LRP1B: variants seen among roughly 807,000 people sequenced by gnomAD.
LRP1B encodes the protein LDL receptor related protein 1B.
A neutral mutation model predicts 556.6 loss-of-function variants in LRP1B; 217 were observed. The ratio of observed to expected loss-of-function variants is 0.39; its 90% CI spans 0.35 to 0.44. The LOEUF (loss-of-function observed/expected upper bound fraction) is 0.44. LRP1B is among the 20% of genes least tolerant of loss of function. The pLI is 1.00. For missense variants in LRP1B, 5,053 were observed against 5,620.8 expected, an observed-to-expected ratio of 0.90 and a Z score of 3.23; for synonymous variants, 2,047 against 1,865.8, an observed-to-expected ratio of 1.10 and a Z score of -2.50.
intron 32 of LRP1B, among the ~76,000 whole-genome samples, chr2:140,786,108 G>A (rs1164214173): frequency 6.6e-6 from 1 of 152,114 alleles, no homozygotes; most frequent in African/African-American, 2.4e-5. Context: ...ACTCTCCAAT[G>A]GCTTCCCCCT....
chr2:142,106,459 AG>A (rs756725449), intron 1 of LRP1B, among the ~76,000 whole-genome samples: 1 of 152,210 alleles, frequency 6.6e-6, no homozygotes, highest in Non-Finnish European at 1.5e-5. Context: ...GAAGAAATTA[AG>A]TGACTTGTTC....
rs147794507 is a variant in LRP1B at position 141,892,039 on chromosome 2, C to T, written c.83-81638G>A. Among the ~76,000 whole-genome samples, 12 of 151,872 alleles carry T rather than the reference C, an allele frequency of 7.9e-5. No individual in the cohort carries two copies. The South Asian group carries it at 8.3e-4, about 11-fold the overall frequency. ...ACATTCATATAAAAATCATCAGTCT[C>T]GGAAAGGTATGTGTTAAGCATAACT... On this transcript the variant is annotated intron_variant, in intron 1 of 90. Transcript: ENST00000389484.
chr2:141,519,494 G>C (rs1395597350), intron 2 of LRP1B, among the ~76,000 whole-genome samples: 1 of 150,036 alleles, frequency 6.7e-6, no homozygotes, highest in Non-Finnish European at 1.5e-5. Context: ...ATTGATTTCT[G>C]AATTCTCAGT....
At chr2:142,032,342 C>T (rs1574615145) in intron 1 of LRP1B, among the ~76,000 whole-genome samples, 1 of 151,790 alleles carries the variant, frequency 6.6e-6, no homozygotes, top group Admixed American at 6.6e-5. Flanking sequence ...TTTCTATTCC[C>T]TGCCTGTTAT....
chr2:140,565,015 G>C (rs913698831), intron 43 of LRP1B, among the ~76,000 whole-genome samples: 1 of 151,758 alleles, frequency 6.6e-6, no homozygotes, highest in Non-Finnish European at 1.5e-5. Context: ...ATTACTTTAG[G>C]ATTTTTTTAT....
intron 52 of LRP1B, among the ~76,000 whole-genome samples, chr2:140,509,401 G>A (rs1316148625): frequency 1.3e-5 from 2 of 152,032 alleles, no homozygotes; most frequent in Non-Finnish European, 2.9e-5. Flanking sequence ...TCTGACCTCC[G>A]AAGGTGCTCC....
In LRP1B at chr2:140,626,056, G is replaced by A. The variant is rs184757862; in HGVS notation, c.6800-24417C>T. Among the ~76,000 whole-genome samples the A allele has an allele frequency of 2.6e-5, 4 of 152,242 alleles. No individual in the cohort carries two copies. In the East Asian group the frequency reaches 7.7e-4, roughly 29 times the overall value. On this transcript the variant is annotated intron_variant, in intron 41 of 90. Coordinates refer to ENST00000389484, the MANE Select transcript of LRP1B (RefSeq NM_018557.3). ...GCTATTCACTGCTAAGAAGAAATGA[G>A]CTACCAAGACATGAAAAGACATAGA...
chr2:141,356,713 G>C (rs1688639962), intron 3 of LRP1B, among the ~76,000 whole-genome samples: 1 of 152,074 alleles, frequency 6.6e-6, no homozygotes, highest in Non-Finnish European at 1.5e-5. Context: ...TTGAGAAGAA[G>C]ACAAATATGT....
intron 79 of LRP1B, among the ~76,000 whole-genome samples, chr2:140,327,476 G>A: frequency 6.6e-6 from 1 of 152,036 alleles, no homozygotes. Context: ...CATGTAAGAA[G>A]ATATGTTTTT....
chr2:141,523,809 T>A (rs1389739867), intron 2 of LRP1B, among the ~76,000 whole-genome samples: 1 of 152,134 alleles, frequency 6.6e-6, no homozygotes, highest in Non-Finnish European at 1.5e-5. Flanking sequence ...CCTGCTACCA[T>A]CATAGCCGAG....
chr2:141,545,632 C>G (rs547640866), intron 2 of LRP1B, among the ~76,000 whole-genome samples: 3 of 152,178 alleles, frequency 2.0e-5, no homozygotes, highest in Admixed American at 2.0e-4. Context: ...ATTGCTTGAG[C>G]CCAGCAGTTT....
chr2:141,239,619 G>A (rs1182371775), intron 5 of LRP1B, among the ~76,000 whole-genome samples: 1 of 152,048 alleles, frequency 6.6e-6, no homozygotes, highest in Non-Finnish European at 1.5e-5. Flanking sequence ...CCTTTGATAG[G>A]AGAAAAGTTA....
At chr2:141,710,128 G>T (rs1012058107) in intron 2 of LRP1B, among the ~76,000 whole-genome samples, 1 of 152,064 alleles carries the variant, frequency 6.6e-6, no homozygotes, top group African/African-American at 2.4e-5. Context: ...AATTTTAGGA[G>T]TACACATTTA....
At position 140,621,225 on chromosome 2, in the gene LRP1B, C is replaced by CAA. The variant is rs560890709; in HGVS notation, c.6800-19588_6800-19587dup. 4.0e-3 allele frequency among the ~76,000 whole-genome samples: 565 copies of CAA among 141,708 alleles called. 4 individuals are homozygous for CAA. Among genetic ancestry groups the CAA allele is most frequent in the Middle Eastern group, 0.011 (3 of 274 alleles). 93.0% of individuals were successfully genotyped at this position (141,708 alleles called of 152,430 possible). The stretch of plus-strand genomic sequence containing the variant: ...TGAAACCCCATCTCTACTAAAAATA[C>CAA]AAAAAAAAAAATTAGCCGGGTGTGG... On this transcript the variant is annotated intron_variant, in intron 41 of 90. Transcript: ENST00000389484.
chr2:141,491,808 TGGC>T (rs1683344986), intron 2 of LRP1B, among the ~76,000 whole-genome samples: 1 of 152,122 alleles, frequency 6.6e-6, no homozygotes, highest in South Asian at 2.1e-4. Context: ...ATATTGCTAT[TGGC>T]CACTCTTAAG....
chr2:140,894,315 C>A (rs904962066), intron 23 of LRP1B, among the ~76,000 whole-genome samples: 4 of 151,984 alleles, frequency 2.6e-5, no homozygotes, highest in East Asian at 1.9e-4. Flanking sequence ...ACTGGAGAAA[C>A]AAGAAGATAA....
chr2:141,265,600 C>T (rs1684857894), intron 3 of LRP1B, among the ~76,000 whole-genome samples: 1 of 152,142 alleles, frequency 6.6e-6, no homozygotes, highest in Non-Finnish European at 1.5e-5. Context: ...TGCTAAGGAA[C>T]TCTTCCTTTA....
intron 20 of LRP1B, among the ~76,000 whole-genome samples, chr2:140,934,248 T>G (rs1255288614): frequency 3.3e-5 from 5 of 152,158 alleles, no homozygotes; most frequent in African/African-American, 4.8e-5. Context: ...CTATAACACA[T>G]AATTTGGGAA....
At chr2:140,239,624 C>A in intron 87 of LRP1B, 92 bp from the exon 88 acceptor site, 1 of 715,498 alleles carries the variant, frequency 1.4e-6, no homozygotes, top group Non-Finnish European at 2.3e-6. Context: ...AATCACTTGA[C>A]CATTGATATA....
Sources: gnomAD v4.1 joint callset for allele counts (sites outside exome capture counted in the v4.1 genomes callset) on GRCh38, gnomAD v4.1.1 for gene constraint, MANE v1.5 for transcripts, NCBI Gene and HGNC (gene_info 2026-07-23, HGNC 2026-07-21) for gene names.